MXD1: variants seen among roughly 807,000 people sequenced by gnomAD.
The protein encoded by MXD1 is MAX dimerization protein 1.
MXD1 carries 9 observed loss-of-function variants against 25.7 expected under a neutral mutation model. The ratio of observed to expected loss-of-function variants is 0.35; its 90% CI spans 0.21 to 0.61. The LOEUF is 0.61. Ranked by LOEUF, MXD1 falls within the 20% of genes least tolerant of loss-of-function variation. The probability of loss-of-function intolerance (pLI) is 0.75; values close to 1 mark genes in which losing one functional copy is unlikely to be tolerated. For synonymous variants in MXD1, 99 were observed against 113.9 expected (o/e 0.87, Z 0.83); for missense variants, 227 against 292.4 (o/e 0.78, Z 1.63).
chr2:69,935,369 G>C lies in MXD1; in HGVS notation c.222G>C (p.Leu74Phe). ...MEKNRRAHLR[L>F]CLEKLKGLVP... ...TTCATAGACGGGCTCATCTTCGCTTGTGCCTGGAGAAGTTGAAGGGGCTGG... is the reference window on the plus strand; with the variant it reads ...TTCATAGACGGGCTCATCTTCGCTTCTGCCTGGAGAAGTTGAAGGGGCTGG... Residue 74 changes from leucine (L) to phenylalanine (F), a missense_variant, in exon 4 of 6, where the codon TTG (leucine) becomes TTC (phenylalanine). Coordinates refer to ENST00000264444, the MANE Select transcript of MXD1 (RefSeq NM_002357.4). 1 of 1,614,000 alleles carries C rather than the reference G, an allele frequency of 6.2e-7. No individual in the cohort carries two copies. The highest frequency in any genetic ancestry group is 8.5e-7 in the Non-Finnish European group (1 of 1,179,852).
At chr2:69,937,061 A>T in intron 4 of MXD1, 174 bp from the exon 5 acceptor site, 1 of 839,336 alleles carries the variant, frequency 1.2e-6, no homozygotes, top group Non-Finnish European at 2.1e-6. Flanking sequence ...AGTCAGACGA[A>T]GCCAGGAGTC....
intron 2 of MXD1, among the ~76,000 whole-genome samples, chr2:69,920,057 CT>C (rs1677036470): frequency 6.6e-6 from 1 of 152,154 alleles, no homozygotes; most frequent in South Asian, 2.1e-4. Context: ...TGTCGCTAGG[CT>C]GGAGTGCAGT....
rs144479868 is a variant in MXD1, at chr2:69,938,229, C to T, written c.611C>T (p.Thr204Ile). ...GGCAGTGATGAGGGCTATTCCAGCACCAGCATCAAGAGAATAAAGCTGCAG... is the reference window on the plus strand; with the variant it reads ...GGCAGTGATGAGGGCTATTCCAGCATCAGCATCAAGAGAATAAAGCTGCAG... ...SLGSDEGYSS[T>I]SIKRIKLQDS... The change falls in exon 6 of 6, where the codon ACC becomes ATC. Residue 204 changes from threonine to isoleucine, a missense_variant. By Grantham distance (89) the Thr-to-Ile change is moderately conservative. Transcript: ENST00000264444. 2.3e-4 allele frequency: 367 copies of T among 1,614,056 alleles called. No homozygotes were observed. The highest frequency in any genetic ancestry group is 2.9e-4 in the Non-Finnish European group (337 of 1,180,046).
intron 3 of MXD1, among the ~76,000 whole-genome samples, chr2:69,929,907 T>A (rs925163816): frequency 1.3e-5 from 2 of 152,228 alleles, no homozygotes; most frequent in African/African-American, 4.8e-5. Context: ...TTTTAATTAT[T>A]GAAGCTTTAT....
intron 3 of MXD1, among the ~76,000 whole-genome samples, chr2:69,931,332 CT>C (rs937067585): frequency 9.5e-4 from 144 of 152,214 alleles, no homozygotes; most frequent in African/African-American, 3.4e-3. Flanking sequence ...CCCACCCCCG[CT>C]ACCTTTCCCA....
Position 69,921,302 on chromosome 2 carries a change from C to G in MXD1, c.174-434C>G, listed in dbSNP as rs77239710. Among the ~76,000 whole-genome samples, 857 of 152,280 alleles carry G rather than the reference C, an allele frequency of 5.6e-3. 16 individuals are homozygous for G. In the East Asian group the frequency reaches 0.07, roughly 12 times the overall value. ...TATTTAAAACAATATAGTCAAGCAA[C>G]TTTACACAAAATTTTGGTGTATGCT... On this transcript the variant is annotated intron_variant, in intron 2 of 5. Coordinates refer to ENST00000264444, the MANE Select transcript of MXD1 (RefSeq NM_002357.4).
intron 2 of MXD1, among the ~76,000 whole-genome samples, chr2:69,918,161 T>A (rs963939884): frequency 6.6e-6 from 1 of 152,234 alleles, no homozygotes. Flanking sequence ...CAGCCATGTA[T>A]GGTCAGAATT....
At chr2:69,922,145 T>C (rs1677076863) in intron 3 of MXD1, among the ~76,000 whole-genome samples, 2 of 152,366 alleles carry the variant, frequency 1.3e-5, no homozygotes, top group Middle Eastern at 3.4e-3. Flanking sequence ...ACACATAATA[T>C]ACATGTAAGT....
chr2:69,937,445 G>A, intron 5 of MXD1, 51 bp downstream of exon 5: 1 of 1,368,144 alleles, frequency 7.3e-7, no homozygotes, highest in Non-Finnish European at 9.7e-7. Flanking sequence ...CCCAACCCCA[G>A]AGCAGGGGTT....
At chr2:69,937,056 G>A (rs745698427) in intron 4 of MXD1, 179 bp from the exon 5 acceptor site, 1 of 817,386 alleles carries the variant, frequency 1.2e-6, no homozygotes, top group Admixed American at 1.9e-5. Context: ...TGAAGAGTCA[G>A]ACGAAGCCAG....
chr2:69,938,901 C>T lies in MXD1; in HGVS notation c.*617C>T, dbSNP rs551895616. 1.3e-5 allele frequency: 2 copies of T among 152,898 alleles called. No individual in the cohort carries two copies. The highest frequency in any genetic ancestry group is 2.1e-4 in the South Asian group (1 of 4,834). The allele number at this position is 152,898 out of a possible 1,614,324, so 9.5% of individuals were successfully genotyped here. A position where few individuals can be genotyped will look rare whatever the true frequency, so the allele number is the denominator to read the frequency against. On this transcript the variant is annotated 3_prime_UTR_variant, in exon 6 of 6. Transcript: ENST00000264444. ...AGTATTTCTCACTTTAAAATGGACA[C>T]CTTGATAGTGTGTCTCTGGGGTTGC...
chr2:69,925,878 T>C (rs1166518248), intron 3 of MXD1, among the ~76,000 whole-genome samples: 1 of 152,182 alleles, frequency 6.6e-6, no homozygotes, highest in Non-Finnish European at 1.5e-5. Context: ...ACAGGCATTA[T>C]TTTCCCTGCA....
In MXD1 at chr2:69,937,409, C is replaced by G. The variant is rs1677477416; in HGVS notation, c.478+15C>G. ...CTCCGACAGGGGTGAGCCTCTCTCACTCTCCTCCCTGTCTCCCTTGTGCTC... is the reference window on the plus strand; with the variant it reads ...CTCCGACAGGGGTGAGCCTCTCTCAGTCTCCTCCCTGTCTCCCTTGTGCTC... On this transcript the variant is annotated intron_variant, in intron 5 of 5. Transcript: ENST00000264444. 6.3e-7 allele frequency: 1 copy of G among 1,587,360 alleles called. No individual in the cohort carries two copies. The highest frequency in any genetic ancestry group is 8.6e-7 in the Non-Finnish European group (1 of 1,166,780).
In MXD1 at chr2:69,939,259, A is replaced by G. The variant is rs1469725432; in HGVS notation, c.*975A>G. On this transcript the variant is annotated 3_prime_UTR_variant, in exon 6 of 6. Coordinates refer to ENST00000264444, the MANE Select transcript of MXD1 (RefSeq NM_002357.4). ...TAGTAGCCATTATCAGTGAAAGAAA[A>G]AGTCCACATTTCTACTCTCTGTTGC... The G allele has an allele frequency of 2.0e-5, 3 of 152,624 alleles. No homozygotes were observed. The highest frequency in any genetic ancestry group is 7.2e-5 in the African/African-American group (3 of 41,454). 9.5% of individuals were successfully genotyped at this position (152,624 alleles called of 1,614,324 possible). A position where few individuals can be genotyped will look rare whatever the true frequency, so the allele number is the denominator to read the frequency against.
chr2:69,928,974 A>T (rs770428536), intron 3 of MXD1, among the ~76,000 whole-genome samples: 7 of 152,112 alleles, frequency 4.6e-5, no homozygotes, highest in African/African-American at 1.7e-4. Flanking sequence ...GCTCACTGCA[A>T]CCTCTGCCTC....
chr2:69,931,718 G>T (rs1386559915), intron 3 of MXD1, among the ~76,000 whole-genome samples: 1 of 152,122 alleles, frequency 6.6e-6, no homozygotes, highest in Non-Finnish European at 1.5e-5. Flanking sequence ...CTAGTTATGG[G>T]CCATACTTGA....
At chr2:69,916,279 C>T in intron 2 of MXD1, 59 bp downstream of exon 2, 1 of 1,027,800 alleles carries the variant, frequency 9.7e-7, no homozygotes, top group Non-Finnish European at 1.5e-6. Context: ...ACACAAACTG[C>T]TGAATGTAAG....
intron 2 of MXD1, 143 bp downstream of exon 2, chr2:69,916,363 A>G: frequency 1.9e-6 from 1 of 529,170 alleles, no homozygotes. Context: ...CATGGACTTA[A>G]GCCATTGCAG....
chr2:69,933,549 A>C (rs1354478231), intron 3 of MXD1, among the ~76,000 whole-genome samples: 6 of 152,180 alleles, frequency 3.9e-5, no homozygotes, highest in Non-Finnish European at 8.8e-5. Flanking sequence ...TAGCTCAGAA[A>C]TGAATGCTGT....
Sources: gnomAD v4.1 joint callset for allele counts (sites outside exome capture counted in the v4.1 genomes callset) on GRCh38, gnomAD v4.1.1 for gene constraint, MANE v1.5 for transcripts, NCBI Gene and HGNC (gene_info 2026-07-23, HGNC 2026-07-21) for gene names.